LGALS9: variants seen among roughly 807,000 people sequenced by gnomAD.
LGALS9 encodes galectin-9.
A neutral mutation model predicts 35.9 loss-of-function variants in LGALS9; 26 were observed. That is an observed-to-expected ratio of 0.72 (90% CI 0.53 to 1.01). The LOEUF (loss-of-function observed/expected upper bound fraction) is 1.01, where lower values mean the gene tolerates loss of function less well. Among genes scored for constraint, LGALS9 ranks in the 50% least tolerant of loss-of-function variants. The pLI, the probability that LGALS9 is intolerant of heterozygous loss-of-function variation, is 0.00. For missense variants in LGALS9, 347 were observed against 445.8 expected (o/e 0.78, Z 1.99); for synonymous variants, 149 against 172.2 (o/e 0.87, Z 1.06).
intron 3 of LGALS9, chr17:27,641,143 G>A (rs1170969191): frequency 2.7e-5 from 11 of 403,878 alleles, no homozygotes; most frequent in Non-Finnish European, 4.4e-5. Flanking sequence ...CTTTATCCAG[G>A]GTCTATTAAG....
intron 1 of LGALS9, among the ~76,000 whole-genome samples, chr17:27,635,893 T>C (rs2074445212): frequency 1.3e-5 from 2 of 152,164 alleles, no homozygotes; most frequent in Non-Finnish European, 2.9e-5. Flanking sequence ...TGGTCCATAA[T>C]TGGATCAGGC....
intron 1 of LGALS9, among the ~76,000 whole-genome samples, chr17:27,634,478 G>A (rs72845099): frequency 0.058 from 8,827 of 152,242 alleles, 427 homozygotes; most frequent in South Asian, 0.24. Context: ...GTGAGCCTGA[G>A]GAAGTGGAGG....
Position 27,647,390 on chromosome 17 carries a change from T to C in LGALS9, c.879T>C (p.Ser293=), listed in dbSNP as rs1445608826. 6.2e-7 allele frequency: 1 copy of C among 1,613,998 alleles called. No individual in the cohort carries two copies. The highest frequency in any genetic ancestry group is 8.5e-7 in the Non-Finnish European group (1 of 1,180,040). ...ACTCCTGGGGGTCTGAGGAGCGAAG[T>C]CTGCCCCGAAAAATGCCCTTCGTCC... is the stretch of plus-strand genomic sequence containing the variant. The part of the protein sequence containing the change: ...IDNSWGSEER[S]LPRKMPFVRG... Residue 293 remains serine, a synonymous_variant, in exon 10 of 11, where the codon AGT becomes AGC. Coordinates refer to ENST00000395473, the MANE Select transcript of LGALS9 (RefSeq NM_009587.3).
At chr17:27,639,712 G>A (rs1281475342) in intron 2 of LGALS9, among the ~76,000 whole-genome samples, 1 of 152,062 alleles carries the variant, frequency 6.6e-6, no homozygotes, top group Non-Finnish European at 1.5e-5. Flanking sequence ...TGGGACTACA[G>A]GAGTGCACTA....
intron 4 of LGALS9, among the ~76,000 whole-genome samples, chr17:27,642,842 CT>C (rs760046214): frequency 9.9e-5 from 15 of 152,202 alleles, no homozygotes; most frequent in Non-Finnish European, 1.8e-4. Context: ...AGTGGCCCCC[CT>C]GGGCCCACAC....
chr17:27,640,188 C>T (rs1350557243), intron 2 of LGALS9, among the ~76,000 whole-genome samples: 2 of 152,206 alleles, frequency 1.3e-5, no homozygotes, highest in Non-Finnish European at 2.9e-5. Context: ...CCCATTTAAT[C>T]AGGCATGTGC....
At position 27,646,563 on chromosome 17, in the gene LGALS9, C is replaced by T. The variant is rs1256229679; in HGVS notation, c.644C>T (p.Pro215Leu). 1.2e-6 allele frequency: 2 copies of T among 1,612,238 alleles called. No homozygotes were observed. Among genetic ancestry groups the T allele is most frequent in the Non-Finnish European group, 1.7e-6 (2 of 1,179,904 alleles). ...GQMFSTPAIP[P>L]MMYPHPAYPM... ...TTTCAACAGACTCCCGCCATCCCACCTATGATGTACCCCCACCCCGCCTAT... is the reference window on the plus strand; with the variant it reads ...TTTCAACAGACTCCCGCCATCCCACTTATGATGTACCCCCACCCCGCCTAT... The change falls in exon 8 of 11, where the codon CCT becomes CTT. Residue 215 changes from proline (P) to leucine (L), a missense_variant. Physicochemically the swap from Pro to Leu is moderately conservative, Grantham distance 98. Coordinates refer to ENST00000395473, the MANE Select transcript of LGALS9 (RefSeq NM_009587.3).
chr17:27,639,713 G>A (rs1407227895), intron 2 of LGALS9, among the ~76,000 whole-genome samples: 2 of 152,030 alleles, frequency 1.3e-5, no homozygotes, highest in Non-Finnish European at 2.9e-5. Flanking sequence ...GGGACTACAG[G>A]AGTGCACTAT....
At chr17:27,646,962 A>G in intron 8 of LGALS9, 68 bp from the exon 9 acceptor site, 1 of 1,608,126 alleles carries the variant, frequency 6.2e-7, no homozygotes, top group Admixed American at 1.7e-5. Flanking sequence ...TGACAGCCCA[A>G]ATTCATGGGA....
At chr17:27,640,375 G>C in intron 2 of LGALS9, 197 bp from the exon 3 acceptor site, 1 of 831,830 alleles carries the variant, frequency 1.2e-6, no homozygotes, top group Non-Finnish European at 1.9e-6. Context: ...TGCTGTAAAG[G>C]CAAAATCCAA....
intron 1 of LGALS9, among the ~76,000 whole-genome samples, chr17:27,634,601 C>T (rs1304123837): frequency 4.6e-5 from 7 of 152,046 alleles, no homozygotes; most frequent in Non-Finnish European, 1.0e-4. Flanking sequence ...CCCCCAAAAA[C>T]GCAAACCAGC....
chr17:27,631,464 C>T (rs777987481), intron 1 of LGALS9, among the ~76,000 whole-genome samples, 160 bp downstream of exon 1: 2 of 152,198 alleles, frequency 1.3e-5, no homozygotes, highest in Non-Finnish European at 2.9e-5. Context: ...CCTGGCACAC[C>T]TGTGCCGTGC....
intron 3 of LGALS9, among the ~76,000 whole-genome samples, chr17:27,641,683 A>T (rs1012703352): frequency 1.3e-5 from 2 of 152,136 alleles, no homozygotes; most frequent in African/African-American, 4.8e-5. Context: ...TTAAAATCAA[A>T]GTTGAAGGGG....
At chr17:27,634,553 A>AAAAAAAC (rs1033483495) in intron 1 of LGALS9, among the ~76,000 whole-genome samples, 4 of 152,268 alleles carry the variant, frequency 2.6e-5, no homozygotes, top group Admixed American at 2.6e-4. Flanking sequence ...TCCTGTCTCA[A>AAAAAAAC]AAAAAACAAA....
chr17:27,632,911 G>A (rs1412592815), intron 1 of LGALS9, among the ~76,000 whole-genome samples: 1 of 152,220 alleles, frequency 6.6e-6, no homozygotes, highest in Non-Finnish European at 1.5e-5. Flanking sequence ...CGACAGTGGG[G>A]GAAGGTCACG....
At chr17:27,636,843 AT>A (rs1468334535) in intron 1 of LGALS9, among the ~76,000 whole-genome samples, 6 of 152,198 alleles carry the variant, frequency 3.9e-5, no homozygotes, top group African/African-American at 1.4e-4. Flanking sequence ...GAAAAAAAAA[AT>A]CCGGACTTCT....
chr17:27,637,164 A>G (rs192959667), intron 1 of LGALS9, among the ~76,000 whole-genome samples: 1,975 of 151,748 alleles, frequency 0.013, 47 homozygotes, highest in African/African-American at 0.044. Context: ...TTGGATATGA[A>G]GCATTTTGGG....
Position 27,642,345 on chromosome 17 carries a change from C to T in LGALS9, c.441C>T (p.Phe147=). 6.2e-7 allele frequency: 1 copy of T among 1,611,946 alleles called. No individual in the cohort carries two copies. The highest frequency in any genetic ancestry group is 1.1e-5 in the South Asian group (1 of 90,976). ...CTGTGCAGCTGTCCTACATCAGCTTCCAGGTCAGACTGTCCACCTGGCACC... is the reference window on the plus strand; with the variant it reads ...CTGTGCAGCTGTCCTACATCAGCTTTCAGGTCAGACTGTCCACCTGGCACC... ...NGSVQLSYIS[F]QNPRTVPVQP... The change falls in exon 4 of 11, where the codon TTC becomes TTT. Residue 147 remains phenylalanine, a synonymous_variant. Coordinates refer to ENST00000395473, the MANE Select transcript of LGALS9 (RefSeq NM_009587.3).
Position 27,646,555 on chromosome 17 carries a change from C to A in LGALS9, c.636C>A (p.Ala212=). Residue 212 remains alanine, a synonymous_variant, in exon 8 of 11, where the codon GCC becomes GCA. Coordinates refer to ENST00000395473, the MANE Select transcript of LGALS9 (RefSeq NM_009587.3). ...TGGTTTCTTTTCAACAGACTCCCGC[C>A]ATCCCACCTATGATGTACCCCCACC... is the stretch of plus-strand genomic sequence containing the variant. ...SAPGQMFSTP[A]IPPMMYPHPA... 1.2e-6 allele frequency: 2 copies of A among 1,612,176 alleles called. No homozygotes were observed. The highest frequency in any genetic ancestry group is 8.5e-7 in the Non-Finnish European group (1 of 1,179,898).
Sources: allele counts gnomAD v4.1 joint callset (sites outside exome capture counted in the v4.1 genomes callset), GRCh38; gene constraint gnomAD v4.1.1; transcripts MANE v1.5; gene names NCBI Gene and HGNC (gene_info 2026-07-23, HGNC 2026-07-21).